GPC5: variants seen among roughly 807,000 people sequenced by gnomAD.
The protein encoded by GPC5 is glypican-5.
Under a neutral mutation model 53.9 loss-of-function variants are expected in GPC5, and 47 were observed. The ratio of observed to expected loss-of-function variants is 0.87; its 90% CI spans 0.69 to 1.11. The LOEUF (loss-of-function observed/expected upper bound fraction) is 1.11, where lower values mean the gene tolerates loss of function less well. Among genes scored for constraint, GPC5 ranks in the 50% most tolerant of loss-of-function variants. GPC5 has a pLI of 0.00. For missense variants in GPC5, 748 were observed against 713.1 expected, an observed-to-expected ratio of 1.05 and a Z score of -0.56; for synonymous variants, 286 against 263.3, an observed-to-expected ratio of 1.09 and a Z score of -0.84.
chr13:91,756,930 A>G (rs891954441), intron 5 of GPC5, among the ~76,000 whole-genome samples: 2 of 151,898 alleles, frequency 1.3e-5, no homozygotes, highest in Non-Finnish European at 2.9e-5. Context: ...GAGAGAGACT[A>G]TGTAATAGTG....
chr13:92,343,228 C>T (rs571691940), intron 7 of GPC5, among the ~76,000 whole-genome samples: 1 of 152,272 alleles, frequency 6.6e-6, no homozygotes, highest in South Asian at 2.1e-4. Context: ...CAAAGTGATA[C>T]TTCACCGTCA....
chr13:91,699,918 A>T (rs925650252), intron 3 of GPC5, among the ~76,000 whole-genome samples: 1 of 152,126 alleles, frequency 6.6e-6, no homozygotes, highest in African/African-American at 2.4e-5. Flanking sequence ...TCTATTTTTA[A>T]TATGAAGGTA....
chr13:92,528,603 G>A (rs1308435103), intron 7 of GPC5, among the ~76,000 whole-genome samples: 1 of 151,922 alleles, frequency 6.6e-6, no homozygotes, highest in African/African-American at 2.4e-5. Flanking sequence ...TTGATGAAGT[G>A]ATCTATTAAA....
chr13:92,385,777 A>ACGTG (rs1566568277), intron 7 of GPC5, among the ~76,000 whole-genome samples: 10 of 27,116 alleles, frequency 3.7e-4, no homozygotes, highest in Admixed American at 1.3e-3. Context: ...GTATATATAC[A>ACGTG]TATATGTATA....
intron 7 of GPC5, among the ~76,000 whole-genome samples, chr13:92,573,805 A>T (rs1883108470): frequency 6.6e-6 from 1 of 152,140 alleles, no homozygotes; most frequent in African/African-American, 2.4e-5. Context: ...CAATGTGGAC[A>T]CTGCATATTC....
rs182974401 is a variant in GPC5, at chr13:91,572,373, A to G, written c.326-120814A>G. On this transcript the variant is annotated intron_variant, in intron 2 of 7. Transcript: ENST00000377067. ...TATCTGTTCGTTTTGTGTTGTTACA[A>G]GGGAATATCTGAGACAGGGTGATCT... 3.3e-3 allele frequency among the ~76,000 whole-genome samples: 499 copies of G among 151,936 alleles called. 3 individuals are homozygous for G. Among genetic ancestry groups the G allele is most frequent in the African/African-American group, 0.011 (476 of 41,432 alleles).
At chr13:92,568,892 A>G (rs1882939628) in intron 7 of GPC5, among the ~76,000 whole-genome samples, 1 of 151,880 alleles carries the variant, frequency 6.6e-6, no homozygotes, top group South Asian at 2.1e-4. Context: ...GGTCAGGCAT[A>G]TTCTATACTT....
chr13:91,612,894 G>T (rs1480949090), intron 2 of GPC5, among the ~76,000 whole-genome samples: 8 of 152,042 alleles, frequency 5.3e-5, no homozygotes, highest in Non-Finnish European at 1.2e-4. Flanking sequence ...TCCATATCTG[G>T]TAGGTGACCT....
At chr13:92,708,506 T>C (rs935989176) in intron 7 of GPC5, among the ~76,000 whole-genome samples, 1 of 152,142 alleles carries the variant, frequency 6.6e-6, no homozygotes, top group African/African-American at 2.4e-5. Context: ...ATAAACACCA[T>C]AAGAAAAGAC....
At chr13:91,689,230 T>TAG (rs1232356030) in intron 2 of GPC5, among the ~76,000 whole-genome samples, 1 of 81,066 alleles carries the variant, frequency 1.2e-5, no homozygotes, top group Non-Finnish European at 2.4e-5. Context: ...TATATATATA[T>TAG]ACACATATAA....
At chr13:92,464,377 G>A (rs919893416) in intron 7 of GPC5, among the ~76,000 whole-genome samples, 11 of 152,094 alleles carry the variant, frequency 7.2e-5, no homozygotes, top group Non-Finnish European at 1.3e-4. Flanking sequence ...TTATAGATAG[G>A]TTTTGCAGAT....
At chr13:92,034,402 G>A (rs2040877083) in intron 6 of GPC5, among the ~76,000 whole-genome samples, 1 of 152,122 alleles carries the variant, frequency 6.6e-6, no homozygotes, top group Admixed American at 6.5e-5. Flanking sequence ...GGAGGCTCAG[G>A]CAGGAGAATC....
chr13:92,228,121 T>C (rs1436805940), intron 7 of GPC5, among the ~76,000 whole-genome samples: 2 of 150,918 alleles, frequency 1.3e-5, no homozygotes, highest in Admixed American at 6.7e-5. Context: ...GTCTTCCTGT[T>C]TTAGGAGTGG....
At chr13:91,833,148 A>G (rs191346908) in intron 5 of GPC5, among the ~76,000 whole-genome samples, 2 of 152,318 alleles carry the variant, frequency 1.3e-5, no homozygotes, top group East Asian at 3.9e-4. Context: ...ATCTAGAAGA[A>G]ATGGATAAAT....
intron 7 of GPC5, among the ~76,000 whole-genome samples, chr13:92,195,031 T>C (rs554808516): frequency 6.6e-6 from 1 of 152,306 alleles, no homozygotes; most frequent in East Asian, 1.9e-4. Flanking sequence ...TTGTATTACA[T>C]TACAGATATT....
intron 5 of GPC5, among the ~76,000 whole-genome samples, chr13:91,826,345 C>A (rs2138845383): frequency 6.6e-6 from 1 of 152,106 alleles, no homozygotes; most frequent in South Asian, 2.1e-4. Context: ...GGTCTATCAT[C>A]TATCAAGAGT....
chr13:92,753,476 C>T (rs574023443), intron 7 of GPC5, among the ~76,000 whole-genome samples: 141 of 152,230 alleles, frequency 9.3e-4, no homozygotes, highest in Middle Eastern at 3.4e-3. Context: ...CAAAGCTGGA[C>T]GGAGAATGAC....
intron 7 of GPC5, among the ~76,000 whole-genome samples, chr13:92,398,302 G>A (rs1875380898): frequency 6.7e-6 from 1 of 148,556 alleles, no homozygotes; most frequent in Non-Finnish European, 1.5e-5. Flanking sequence ...AGTGGCGGGC[G>A]CCTGTAGTCC....
At chr13:92,357,909 C>T (rs1283446197) in intron 7 of GPC5, among the ~76,000 whole-genome samples, 2 of 151,422 alleles carry the variant, frequency 1.3e-5, no homozygotes, top group South Asian at 2.1e-4. Context: ...TATCATTCTG[C>T]ACCTGGCCCC....
Sources: gnomAD v4.1 joint callset for allele counts (sites outside exome capture counted in the v4.1 genomes callset) on GRCh38, gnomAD v4.1.1 for gene constraint, MANE v1.5 for transcripts, NCBI Gene and HGNC (gene_info 2026-07-23, HGNC 2026-07-21) for gene names.